The following ARHGEF28 variants were observed in gnomAD, a reference collection of about 807,000 sequenced individuals.
ARHGEF28 encodes the protein Rho guanine nucleotide exchange factor 28.
In ARHGEF28, 152 loss-of-function variants were observed where a neutral mutation model predicts 206.6. The ratio of observed to expected loss-of-function variants is 0.74; its 90% CI spans 0.64 to 0.84. The LOEUF (loss-of-function observed/expected upper bound fraction) is 0.84. ARHGEF28 is among the 40% of genes least tolerant of loss of function. ARHGEF28 has a pLI of 0.00. For missense variants in ARHGEF28, 2,028 were observed against 2,073.2 expected (o/e 0.98, Z 0.42); for synonymous variants, 763 against 776.4 (o/e 0.98, Z 0.29).
At chr5:73,674,783 T>C (rs1746552252) in intron 1 of ARHGEF28, among the ~76,000 whole-genome samples, 1 of 152,196 alleles carries the variant, frequency 6.6e-6, no homozygotes, top group African/African-American at 2.4e-5. Flanking sequence ...CAATGAGTCA[T>C]GCTTATGTAA....
At chr5:73,797,493 T>C (rs1398561841) in intron 9 of ARHGEF28, among the ~76,000 whole-genome samples, 2 of 152,310 alleles carry the variant, frequency 1.3e-5, no homozygotes, top group East Asian at 3.9e-4. Flanking sequence ...TTCTGCCTCC[T>C]GGGTTCAAGC....
rs1201036274 is a variant in ARHGEF28, at chr5:73,885,930, A to G, written c.3136A>G (p.Asn1046Asp). Reference sequence around the variant, plus strand: ...GATTGCAACAGTGGATTTAAAAGTCAATGAATATGAGAAAAACCAAAAATG... The same window carrying G: ...GATTGCAACAGTGGATTTAAAAGTCGATGAATATGAGAAAAACCAAAAATG... ...DMIATVDLKVNEYEKNQKWLE... is the reference protein window; with the variant it reads ...DMIATVDLKVDEYEKNQKWLE... The change falls in exon 25 of 36, where the codon AAT (asparagine) becomes GAT (aspartate). Residue 1046 changes from asparagine (N) to aspartate (D), a missense_variant. Coordinates refer to ENST00000513042, the MANE Select transcript of ARHGEF28 (RefSeq NM_001177693.2). The G allele has an allele frequency of 6.2e-7, 1 of 1,613,722 alleles. No homozygotes were observed. Among genetic ancestry groups the G allele is most frequent in the Non-Finnish European group, 8.5e-7 (1 of 1,179,750 alleles).
chr5:73,752,766 G>A (rs1163238554), intron 3 of ARHGEF28, 143 bp from the exon 4 acceptor site: 4 of 870,524 alleles, frequency 4.6e-6, no homozygotes, highest in Non-Finnish European at 7.1e-6. Flanking sequence ...AGTGTGTAAG[G>A]GTAATGGGCT....
chr5:73,666,461 G>A (rs1745961669), intron 1 of ARHGEF28, among the ~76,000 whole-genome samples: 1 of 152,166 alleles, frequency 6.6e-6, no homozygotes, highest in Admixed American at 6.5e-5. Context: ...TCTCTTTGGT[G>A]GCTCCATTCC....
chr5:73,767,747 C>A (rs1010136445), intron 4 of ARHGEF28, among the ~76,000 whole-genome samples: 2 of 152,176 alleles, frequency 1.3e-5, no homozygotes, highest in African/African-American at 4.8e-5. Flanking sequence ...AGGAGAAATT[C>A]AAGCTGGCTG....
At chr5:73,703,114 C>G (rs1561344406) in intron 2 of ARHGEF28, among the ~76,000 whole-genome samples, 1 of 152,178 alleles carries the variant, frequency 6.6e-6, no homozygotes, top group Non-Finnish European at 1.5e-5. Context: ...TGGAGGTTAT[C>G]TCTATTTTAA....
intron 2 of ARHGEF28, among the ~76,000 whole-genome samples, chr5:73,699,045 A>G (rs1192322813): frequency 1.3e-5 from 2 of 152,056 alleles, no homozygotes; most frequent in Admixed American, 6.5e-5. Context: ...CTTATACTTA[A>G]TTTTGCGAAC....
intron 35 of ARHGEF28, chr5:73,923,274 T>C: frequency 1.1e-6 from 1 of 930,698 alleles, no homozygotes; most frequent in South Asian, 1.9e-5. Flanking sequence ...CAGTCTGAGA[T>C]AAAGCATGGT....
At chr5:73,782,529 A>T (rs1479045448) in intron 7 of ARHGEF28, among the ~76,000 whole-genome samples, 1 of 152,208 alleles carries the variant, frequency 6.6e-6, no homozygotes, top group Admixed American at 6.5e-5. Context: ...TGTGTGGCCC[A>T]TCCCGACTGC....
intron 7 of ARHGEF28, among the ~76,000 whole-genome samples, chr5:73,787,239 A>G (rs1754218220): frequency 6.6e-6 from 1 of 152,196 alleles, no homozygotes; most frequent in African/African-American, 2.4e-5. Flanking sequence ...CTGATCATTC[A>G]CTTGCATACA....
chr5:73,899,555 C>G (rs1313719964), intron 30 of ARHGEF28: 1 of 152,258 alleles, frequency 6.6e-6, no homozygotes, highest in Admixed American at 6.5e-5. Context: ...ACCCCAAGGC[C>G]TCTTCAGTTC....
chr5:73,790,341 A>G (rs1244869904), intron 7 of ARHGEF28, among the ~76,000 whole-genome samples: 2 of 151,990 alleles, frequency 1.3e-5, no homozygotes, highest in African/African-American at 2.4e-5. Flanking sequence ...CTTTAAAAAA[A>G]GAAACACAAG....
intron 2 of ARHGEF28, among the ~76,000 whole-genome samples, chr5:73,695,779 G>A (rs1325392920): frequency 6.6e-6 from 1 of 152,160 alleles, no homozygotes; most frequent in Non-Finnish European, 1.5e-5. Flanking sequence ...CCTCTTCAGA[G>A]TTGCCATTTT....
At chr5:73,762,455 C>CA (rs35028103) in intron 4 of ARHGEF28, among the ~76,000 whole-genome samples, 3,187 of 66,412 alleles carry the variant, frequency 0.048, 73 homozygotes, top group East Asian at 0.069. Context: ...GACTCCCTCT[C>CA]AAAAAAAAAA....
intron 1 of ARHGEF28, among the ~76,000 whole-genome samples, chr5:73,636,433 T>C (rs887738605): frequency 1.3e-5 from 2 of 152,168 alleles, no homozygotes; most frequent in Non-Finnish European, 2.9e-5. Flanking sequence ...AAAGAGTAAG[T>C]TTTTTTCCCC....
chr5:73,878,253 C>CT (rs1760664781), intron 22 of ARHGEF28, among the ~76,000 whole-genome samples: 1 of 149,008 alleles, frequency 6.7e-6, no homozygotes, highest in East Asian at 2.0e-4. Context: ...CAACCCCTGC[C>CT]TTTTTTTGTT....
At chr5:73,660,358 T>G (rs1294395660) in intron 1 of ARHGEF28, among the ~76,000 whole-genome samples, 1 of 152,174 alleles carries the variant, frequency 6.6e-6, no homozygotes, top group African/African-American at 2.4e-5. Flanking sequence ...GCTGTTTCCA[T>G]CATATCAGTA....
At chr5:73,929,606 A>G (rs543859522) in intron 35 of ARHGEF28, among the ~76,000 whole-genome samples, 49 of 152,324 alleles carry the variant, frequency 3.2e-4, no homozygotes, top group African/African-American at 1.1e-3. Flanking sequence ...TTTTTAAAGT[A>G]TAGAAATTAT....
chr5:73,932,308 G>A (rs1434585800), intron 35 of ARHGEF28, among the ~76,000 whole-genome samples: 1 of 152,158 alleles, frequency 6.6e-6, no homozygotes, highest in East Asian at 1.9e-4. Flanking sequence ...TACCGCGTTA[G>A]CCTAGGAATT....
Sources: gnomAD v4.1 joint callset for allele counts (sites outside exome capture counted in the v4.1 genomes callset) on GRCh38, gnomAD v4.1.1 for gene constraint, MANE v1.5 for transcripts, NCBI Gene and HGNC (gene_info 2026-07-23, HGNC 2026-07-21) for gene names.